RAB38: variants seen among roughly 807,000 people sequenced by gnomAD.
The protein encoded by RAB38 is ras-related protein Rab-38.
RAB38 carries 15 observed loss-of-function variants against 18.4 expected under a neutral mutation model. That is an observed-to-expected ratio of 0.82 (90% CI 0.55 to 1.26). The LOEUF is 1.26. Ranked by LOEUF, RAB38 falls within the 50% of genes most tolerant of loss-of-function variation. The pLI, the probability that RAB38 is intolerant of heterozygous loss-of-function variation, is 0.00. For missense variants in RAB38, 294 were observed against 267.4 expected, an observed-to-expected ratio of 1.10 and a Z score of -0.69; for synonymous variants, 101 against 104.4, an observed-to-expected ratio of 0.97 and a Z score of 0.20.
chr11:87,882,727 C>T, the RAB38 span, among the ~76,000 whole-genome samples: 1 of 151,864 alleles, frequency 6.6e-6, no homozygotes, highest in Non-Finnish European at 1.5e-5. Flanking sequence ...GTCATTGTCA[C>T]TTTTTGTTGT....
At chr11:87,962,122 A>G in the RAB38 span, among the ~76,000 whole-genome samples, 2 of 152,292 alleles carry the variant, frequency 1.3e-5, no homozygotes, top group South Asian at 4.1e-4. Flanking sequence ...AAATTGATTT[A>G]TCCTCCCTTC....
intron 2 of RAB38, among the ~76,000 whole-genome samples, chr11:88,145,317 G>A (rs772269806): frequency 6.6e-6 from 1 of 151,702 alleles, no homozygotes. Flanking sequence ...GCCTGCTAAT[G>A]TTTGTATTTT....
the RAB38 span, among the ~76,000 whole-genome samples, chr11:87,840,077 T>C: frequency 1.1e-4 from 17 of 152,092 alleles, no homozygotes; most frequent in Non-Finnish European, 2.2e-4. Context: ...CAAATTCTCT[T>C]ACACAAAGAA....
chr11:88,012,574 C>G, the RAB38 span, among the ~76,000 whole-genome samples: 8 of 152,122 alleles, frequency 5.3e-5, no homozygotes, highest in Non-Finnish European at 1.2e-4. Flanking sequence ...GAAGAATTAT[C>G]AACAATTAAC....
chr11:87,917,289 G>A, the RAB38 span, among the ~76,000 whole-genome samples: 2 of 152,116 alleles, frequency 1.3e-5, no homozygotes, highest in African/African-American at 4.8e-5. Flanking sequence ...GTAGAGAGAT[G>A]GTCATCAGGA....
chr11:87,965,569 A>G, the RAB38 span, among the ~76,000 whole-genome samples: 13 of 152,138 alleles, frequency 8.5e-5, no homozygotes, highest in African/African-American at 2.7e-4. Flanking sequence ...GTCAGGCTCT[A>G]TTCCTGTGGG....
chr11:87,930,400 G>T, the RAB38 span, among the ~76,000 whole-genome samples: 7 of 151,534 alleles, frequency 4.6e-5, no homozygotes, highest in African/African-American at 9.7e-5. Context: ...TCGCCCACTG[G>T]TTGATGGGGT....
the RAB38 span, among the ~76,000 whole-genome samples, chr11:88,007,612 TAAC>T: frequency 1.3e-5 from 2 of 151,998 alleles, no homozygotes; most frequent in Non-Finnish European, 2.9e-5. Flanking sequence ...GTCAGATACA[TAAC>T]AACAAGAATT....
chr11:88,121,329 T>G (rs550938003), intron 2 of RAB38, among the ~76,000 whole-genome samples: 2 of 152,334 alleles, frequency 1.3e-5, no homozygotes, highest in Non-Finnish European at 2.9e-5. Flanking sequence ...TATGGATAAC[T>G]TATTGTAAGC....
chr11:87,938,271 A>G, the RAB38 span, among the ~76,000 whole-genome samples: 7 of 152,178 alleles, frequency 4.6e-5, no homozygotes. Flanking sequence ...GGCAGGGGTT[A>G]AAATCTTGAC....
the RAB38 span, among the ~76,000 whole-genome samples, chr11:87,854,086 C>CCTAT: frequency 6.6e-6 from 1 of 152,018 alleles, no homozygotes; most frequent in African/African-American, 2.4e-5. Flanking sequence ...GGCTAAATAT[C>CCTAT]CTATCTCCAA....
chr11:87,844,243 T>C, the RAB38 span, among the ~76,000 whole-genome samples: 1 of 152,196 alleles, frequency 6.6e-6, no homozygotes, highest in Non-Finnish European at 1.5e-5. Context: ...GTGTGAAAAC[T>C]GAAACATACA....
chr11:87,845,823 A>G, the RAB38 span, among the ~76,000 whole-genome samples: 6 of 152,156 alleles, frequency 3.9e-5, 1 homozygote, highest in Non-Finnish European at 8.8e-5. Flanking sequence ...GAAGAAAACA[A>G]TTAGACTGTT....
intron 2 of RAB38, among the ~76,000 whole-genome samples, chr11:88,130,898 A>C (rs1942759994): frequency 6.6e-6 from 1 of 152,206 alleles, no homozygotes; most frequent in East Asian, 1.9e-4. Flanking sequence ...GAATTTTAGA[A>C]TGTTCTCAGA....
At chr11:87,950,984 C>T in the RAB38 span, among the ~76,000 whole-genome samples, 1 of 152,138 alleles carries the variant, frequency 6.6e-6, no homozygotes, top group East Asian at 1.9e-4. Context: ...AGAGTGTTTT[C>T]CAACTTGGTT....
At chr11:87,951,807 A>T in the RAB38 span, among the ~76,000 whole-genome samples, 1 of 151,972 alleles carries the variant, frequency 6.6e-6, no homozygotes, top group Non-Finnish European at 1.5e-5. Flanking sequence ...GTCTGCCCCT[A>T]CTGGGGGGGT....
the RAB38 span, among the ~76,000 whole-genome samples, chr11:87,957,269 T>C: frequency 5.3e-5 from 8 of 152,212 alleles, 1 homozygote; most frequent in South Asian, 1.7e-3. Context: ...ATCATACATA[T>C]TTGGATTGCC....
At chr11:88,039,588 C>G in the RAB38 span, among the ~76,000 whole-genome samples, 1 of 152,106 alleles carries the variant, frequency 6.6e-6, no homozygotes. Context: ...AAGTTTTACT[C>G]ATGAATTGAT....
the RAB38 span, among the ~76,000 whole-genome samples, chr11:87,954,114 A>T: frequency 0.053 from 8,064 of 152,294 alleles, 305 homozygotes; most frequent in Non-Finnish European, 0.083. Flanking sequence ...TGAGATACAT[A>T]AGAACATCCA....
Sources: gnomAD v4.1 joint callset for allele counts (sites outside exome capture counted in the v4.1 genomes callset) on GRCh38, gnomAD v4.1.1 for gene constraint, MANE v1.5 for transcripts, NCBI Gene and HGNC (gene_info 2026-07-23, HGNC 2026-07-21) for gene names.